The following TTC21A variants were observed in gnomAD, a reference collection of about 807,000 sequenced individuals.
TTC21A encodes the protein tetratricopeptide repeat domain 21A, also known as tetratricopeptide repeat protein 21A.
In TTC21A, 128 loss-of-function variants were observed where a neutral mutation model predicts 156.4. The ratio of observed to expected loss-of-function variants is 0.82; its 90% confidence interval spans 0.71 to 0.95. TTC21A has a LOEUF of 0.95. Among genes scored for constraint, TTC21A ranks in the 40% least tolerant of loss-of-function variants. TTC21A has a pLI of 0.00. For missense variants in TTC21A, 1,435 were observed against 1,602.3 expected, an observed-to-expected ratio of 0.90 and a Z score of 1.78; for synonymous variants, 587 against 617.1, an observed-to-expected ratio of 0.95 and a Z score of 0.72.
intron 5 of TTC21A, among the ~76,000 whole-genome samples, chr3:39,114,264 G>C (rs1223800249): frequency 2.6e-5 from 4 of 152,222 alleles, no homozygotes; most frequent in Non-Finnish European, 4.4e-5. Flanking sequence ...AGCACCCAGT[G>C]ACCTCACCTC....
intron 14 of TTC21A, 60 bp from the exon 15 acceptor site, chr3:39,129,012 A>G (rs1284581361): frequency 1.2e-6 from 2 of 1,606,734 alleles, no homozygotes; most frequent in African/African-American, 2.7e-5. Flanking sequence ...AGGTTCTTTG[A>G]TTCCACCCAC....
rs1388268210 is a variant in TTC21A, at chr3:39,129,269, G to T, written c.2094G>T (p.Leu698=). ...GAGAGAAGATGGCCAACATCTACCT[G>T]CAGACCCTCAGAGACAGGCGCCTCT... ...EAREKMANIY[L]QTLRDRRLYI... is the part of the protein sequence containing the mutation. The change falls in exon 15 of 29, where the codon CTG becomes CTT. Residue 698 remains leucine (L), a synonymous_variant. Coordinates refer to ENST00000683103, the MANE Select transcript of TTC21A (RefSeq NM_001366900.1). 2.5e-6 allele frequency: 4 copies of T among 1,614,210 alleles called. No individual in the cohort carries two copies.
In TTC21A at chr3:39,136,993, A is replaced by G; in HGVS notation, c.3190A>G (p.Ile1064Val). ...GQSAIYHMVQ[I>V]CLNPDNEVVG... Reference sequence around the variant, plus strand: ...GAGCGCCATCTACCACATGGTGCAGATCTGTCTGAATCCAGACAACGAGGT... The same window carrying G: ...GAGCGCCATCTACCACATGGTGCAGGTCTGTCTGAATCCAGACAACGAGGT... Residue 1064 changes from isoleucine (I) to valine (V), a missense_variant, in exon 24 of 29, where the codon ATC becomes GTC. Physicochemically the swap from Ile to Val is conservative, Grantham distance 29 (BLOSUM62 3). Coordinates refer to ENST00000683103, the MANE Select transcript of TTC21A (RefSeq NM_001366900.1). 1 of 1,614,124 alleles carries G rather than the reference A, an allele frequency of 6.2e-7. No individual in the cohort carries two copies. The highest frequency in any genetic ancestry group is 8.5e-7 in the Non-Finnish European group (1 of 1,180,022).
chr3:39,137,563 G>A lies in TTC21A; in HGVS notation c.3528G>A (p.Gln1176=). ...FLKQIPKARM[Q]LKRLAKTPWV... is the part of the protein sequence containing the mutation. Reference sequence around the variant, plus strand: ...AGCAGATCCCCAAGGCGCGTATGCAGTTGAAGCGCCTGGCCAAGACCCCCT... The same window carrying A: ...AGCAGATCCCCAAGGCGCGTATGCAATTGAAGCGCCTGGCCAAGACCCCCT... Residue 1176 remains glutamine (Q), a synonymous_variant, in exon 26 of 29, where the codon CAG becomes CAA. Coordinates refer to ENST00000683103, the MANE Select transcript of TTC21A (RefSeq NM_001366900.1). 6.2e-7 allele frequency: 1 copy of A among 1,614,270 alleles called. No homozygotes were observed. The highest frequency in any genetic ancestry group is 8.5e-7 in the Non-Finnish European group (1 of 1,180,054).
In TTC21A at chr3:39,137,013, C is replaced by T. The variant is rs762741560; in HGVS notation, c.3210C>T (p.Asn1070=). Residue 1070 remains asparagine (N), a synonymous_variant, in exon 24 of 29, where the codon AAC becomes AAT. Transcript: ENST00000683103. The part of the protein sequence containing the change: ...HMVQICLNPD[N]EVVGGEAFEN... ...TGCAGATCTGTCTGAATCCAGACAACGAGGTTGTGGGCGGAGAGGCTTTTG... is the reference window on the plus strand; with the variant it reads ...TGCAGATCTGTCTGAATCCAGACAATGAGGTTGTGGGCGGAGAGGCTTTTG... The T allele has an allele frequency of 1.5e-5, 25 of 1,613,706 alleles. No individual in the cohort carries two copies. The highest frequency in any genetic ancestry group is 1.5e-4 in the South Asian group (14 of 91,066).
chr3:39,118,642 T>C (rs1379108372), intron 7 of TTC21A: 1 of 157,176 alleles, frequency 6.4e-6, no homozygotes, highest in African/African-American at 2.4e-5. Context: ...CAGGTAATAC[T>C]GGGCCCCAAA....
At chr3:39,111,355 G>A (rs369720010) in intron 4 of TTC21A, among the ~76,000 whole-genome samples, 2 of 152,156 alleles carry the variant, frequency 1.3e-5, no homozygotes, top group South Asian at 2.1e-4. Context: ...TGGGACCATA[G>A]GTGTGTGCCA....
intron 2 of TTC21A, among the ~76,000 whole-genome samples, 195 bp downstream of exon 2, chr3:39,109,409 G>T (rs1012797633): frequency 9.9e-5 from 15 of 152,188 alleles, no homozygotes; most frequent in South Asian, 4.1e-4. Context: ...ACCTCAGAGC[G>T]CTGACTATCC....
In TTC21A at chr3:39,135,193, A is replaced by G. The variant is rs758795030; in HGVS notation, c.2944+19A>G. The G allele has an allele frequency of 3.2e-5, 51 of 1,607,762 alleles. No individual in the cohort carries two copies. The Middle Eastern group carries it at 5.1e-4, about 16-fold the overall frequency. On this transcript the variant is annotated intron_variant, in intron 22 of 28. Transcript: ENST00000683103. ...GCGCCAGGTAATTCTGCCCATGGAG[A>G]CTGCCTGTACCAGTTCCCACTGAGC...
At chr3:39,131,211 C>A in intron 19 of TTC21A, 116 bp downstream of exon 19, 1 of 748,582 alleles carries the variant, frequency 1.3e-6, no homozygotes, top group South Asian at 1.8e-5. Context: ...TAAAAAAGGA[C>A]CTAGGTTACA....
chr3:39,128,485 C>A lies in TTC21A; in HGVS notation c.1677C>A (p.Phe559Leu), dbSNP rs766243190. The A allele has an allele frequency of 6.2e-7, 1 of 1,614,128 alleles. No homozygotes were observed. Among genetic ancestry groups the A allele is most frequent in the Non-Finnish European group, 8.5e-7 (1 of 1,180,034 alleles). The stretch of plus-strand genomic sequence containing the variant: ...TAGAGCTGGGTGTCAGCCACAACTT[C>A]CAGGTGGGTGCCCTCTCATCCTCTC... Reference protein sequence around the residue: ...HCLELGVSHNFQVRDHPLYHL... With the variant: ...HCLELGVSHNLQVRDHPLYHL... The change falls in exon 13 of 29, where the codon TTC (phenylalanine) becomes TTA (leucine). Residue 559 changes from phenylalanine (F) to leucine (L), a missense_variant. Transcript: ENST00000683103.
In TTC21A at chr3:39,129,177, A is replaced by G; in HGVS notation, c.2002A>G (p.Asn668Asp). ...CGTGGACTTGGTCCTGAGCAAGGGC[A>G]ATGTGGACGTGGCGCTGAACATGCT... ...ANVDLVLSKG[N>D]VDVALNMLRN... Residue 668 changes from asparagine (N) to aspartate (D), a missense_variant, in exon 15 of 29, where the codon AAT becomes GAT. By Grantham distance (23) the Asn-to-Asp change is conservative. Coordinates refer to ENST00000683103, the MANE Select transcript of TTC21A (RefSeq NM_001366900.1). 1 of 1,614,258 alleles carries G rather than the reference A, an allele frequency of 6.2e-7. No homozygotes were observed. Among genetic ancestry groups the G allele is most frequent in the Non-Finnish European group, 8.5e-7 (1 of 1,180,048 alleles).
intron 8 of TTC21A, 22 bp from the exon 9 acceptor site, chr3:39,120,975 C>A: frequency 6.3e-7 from 1 of 1,576,458 alleles, no homozygotes; most frequent in Non-Finnish European, 8.6e-7. Flanking sequence ...TTTCCCAATT[C>A]CCACCTTCCT....
chr3:39,111,237 A>G (rs1219209580), intron 4 of TTC21A, among the ~76,000 whole-genome samples: 1 of 152,088 alleles, frequency 6.6e-6, no homozygotes, highest in Non-Finnish European at 1.5e-5. Flanking sequence ...CTTTAGATAG[A>G]TTTTCTATGG....
rs2039200943 is a variant in TTC21A at position 39,137,308 on chromosome 3, G to A, written c.3371G>A (p.Gly1124Asp). Residue 1124 changes from glycine (G) to aspartate (D), a missense_variant, in exon 25 of 29, where the codon GGC (glycine) becomes GAC (aspartate). By Grantham distance (94) the Gly-to-Asp change is moderately conservative (BLOSUM62 -1). Transcript: ENST00000683103. Reference sequence around the variant, plus strand: ...CAGACCCAGCTGCGGCTGCTGCAGGGCCTCTGCCGGCTGGCCACCAGGGAG... The same window carrying A: ...CAGACCCAGCTGCGGCTGCTGCAGGACCTCTGCCGGCTGGCCACCAGGGAG... ...SSQTQLRLLQ[G>D]LCRLATREKA... The A allele has an allele frequency of 6.2e-7, 1 of 1,613,976 alleles. No individual in the cohort carries two copies.
rs1235892992 is a variant in TTC21A, at chr3:39,125,041, CATT to C, written c.1094-21_1094-19del. ...CTATGCTTCAGTGTTAGCTGCTCAT[CATT>C]GTTTTGTCCCATTTACAGGGATCAT... is the stretch of plus-strand genomic sequence containing the variant. On this transcript the variant is annotated intron_variant, in intron 9 of 28. Transcript: ENST00000683103. The C allele has an allele frequency of 6.6e-7, 1 of 1,511,554 alleles. No homozygotes were observed. The highest frequency in any genetic ancestry group is 2.3e-5 in the East Asian group (1 of 44,416). The allele number at this position is 1,511,554 out of a possible 1,614,324, so 93.6% of individuals were successfully genotyped here. A position where few individuals can be genotyped will look rare whatever the true frequency, so the allele number is the denominator to read the frequency against.
At position 39,133,191 on chromosome 3, in the gene TTC21A, C is replaced by T. The variant is rs772777747; in HGVS notation, c.2702C>T (p.Ala901Val). 3.2e-5 allele frequency: 52 copies of T among 1,614,100 alleles called. No homozygotes were observed. Among genetic ancestry groups the T allele is most frequent in the Non-Finnish European group, 4.1e-5 (48 of 1,180,046 alleles). ...HYLAEKEYDK[A>V]VQSYKDVFSY... Reference sequence around the variant, plus strand: ...CTGGCAGAGAAAGAGTATGACAAGGCGGTACAGTCTTATAAGGATGTCTTC... The same window carrying T: ...CTGGCAGAGAAAGAGTATGACAAGGTGGTACAGTCTTATAAGGATGTCTTC... The change falls in exon 20 of 29, where the codon GCG (alanine) becomes GTG (valine). Residue 901 changes from alanine to valine, a missense_variant. Ala to Val is a moderately conservative substitution (Grantham distance 64). Transcript: ENST00000683103.
At chr3:39,118,390 G>A in intron 7 of TTC21A, 1 of 573,676 alleles carries the variant, frequency 1.7e-6, no homozygotes, top group Non-Finnish European at 3.1e-6. Context: ...GCTCTGCCAT[G>A]TGCTATCTGT....
intron 9 of TTC21A, among the ~76,000 whole-genome samples, chr3:39,122,542 C>A (rs1232127955): frequency 2.6e-5 from 4 of 152,116 alleles, no homozygotes; most frequent in Non-Finnish European, 5.9e-5. Context: ...AAGACGAGCT[C>A]AGGGTCACCA....
Sources: allele counts gnomAD v4.1 joint callset (sites outside exome capture counted in the v4.1 genomes callset), GRCh38; gene constraint gnomAD v4.1.1; transcripts MANE v1.5; gene names NCBI Gene and HGNC (gene_info 2026-07-23, HGNC 2026-07-21).